The following XKR4 variants were observed in gnomAD, a reference collection of about 807,000 sequenced individuals.
The protein encoded by XKR4 is XK related 4, also known as XK-related protein 4.
Under a neutral mutation model 53.9 loss-of-function variants are expected in XKR4, and 12 were observed. That is an observed-to-expected ratio of 0.22 (90% CI 0.14 to 0.36). XKR4 has a LOEUF of 0.36. Among genes scored for constraint, XKR4 ranks in the 10% least tolerant of loss-of-function variants. The pLI, the probability that XKR4 is intolerant of heterozygous loss-of-function variation, is 1.00. For missense variants in XKR4, 799 were observed against 859.5 expected (o/e 0.93, Z 0.88); for synonymous variants, 354 against 362.4 (o/e 0.98, Z 0.26).
chr8:55,506,483 A>G lies in XKR4; in HGVS notation c.1007-16798A>G, dbSNP rs180938896. Reference sequence around the variant, plus strand: ...CTTCATGTATGCCTTCCTTTCTCTTAGTGTCTTATTAAGAGCCTGGCTGAA... The same window carrying G: ...CTTCATGTATGCCTTCCTTTCTCTTGGTGTCTTATTAAGAGCCTGGCTGAA... On this transcript the variant is annotated intron_variant, in intron 2 of 2. Coordinates refer to ENST00000327381, the MANE Select transcript of XKR4 (RefSeq NM_052898.2). Among the ~76,000 whole-genome samples, 14 of 152,352 alleles carry G rather than the reference A, an allele frequency of 9.2e-5. No homozygotes were observed. The East Asian group carries it at 2.3e-3, about 25-fold the overall frequency.
chr8:55,339,975 G>A (rs1315111674), intron 1 of XKR4, among the ~76,000 whole-genome samples: 2 of 152,180 alleles, frequency 1.3e-5, no homozygotes, highest in Non-Finnish European at 2.9e-5. Context: ...CACTGGTGTT[G>A]CTAAATTGAA....
At chr8:55,371,799 TCTA>T (rs1386606862) in intron 2 of XKR4, among the ~76,000 whole-genome samples, 4 of 152,368 alleles carry the variant, frequency 2.6e-5, no homozygotes, top group Middle Eastern at 3.4e-3. Context: ...AGAAGTTTCT[TCTA>T]CTTATCATTG....
At chr8:55,380,966 C>G (rs1804223365) in intron 2 of XKR4, among the ~76,000 whole-genome samples, 1 of 152,202 alleles carries the variant, frequency 6.6e-6, no homozygotes, top group South Asian at 2.1e-4. Context: ...TATTAATACT[C>G]TATCTTCTTT....
chr8:55,150,921 C>T (rs1816832343), intron 1 of XKR4, among the ~76,000 whole-genome samples: 1 of 152,198 alleles, frequency 6.6e-6, no homozygotes, highest in African/African-American at 2.4e-5. Flanking sequence ...GTCAGCAAGA[C>T]AGCTAACATT....
intron 2 of XKR4, among the ~76,000 whole-genome samples, chr8:55,380,862 T>C (rs1042429996): frequency 2.6e-5 from 4 of 152,258 alleles, no homozygotes; most frequent in Admixed American, 1.3e-4. Flanking sequence ...GAAAAGGTGA[T>C]GTATGCATTT....
chr8:55,392,306 G>A (rs184510673), intron 2 of XKR4, among the ~76,000 whole-genome samples: 45 of 152,270 alleles, frequency 3.0e-4, no homozygotes, highest in Admixed American at 2.8e-3. Flanking sequence ...CACAGGCTGA[G>A]ACTGGAGCAT....
intron 2 of XKR4, among the ~76,000 whole-genome samples, chr8:55,467,909 T>C (rs1585591064): frequency 6.6e-6 from 1 of 152,182 alleles, no homozygotes; most frequent in South Asian, 2.1e-4. Flanking sequence ...ATGGTTTCTA[T>C]AGTATTTTCT....
rs73682930 is a variant in XKR4, at chr8:55,258,873, G to A, written c.807-98805G>A. Among the ~76,000 whole-genome samples, 556 of 152,286 alleles carry A rather than the reference G, an allele frequency of 3.7e-3. 5 individuals are homozygous for A. The highest frequency in any genetic ancestry group is 0.012 in the African/African-American group (503 of 41,554). ...AGAAAGAGAATGTGCAGCCACCGGGGAGTTGGAAAAGCTGGGCAAAACCAA... is the reference window on the plus strand; with the variant it reads ...AGAAAGAGAATGTGCAGCCACCGGGAAGTTGGAAAAGCTGGGCAAAACCAA... On this transcript the variant is annotated intron_variant, in intron 1 of 2. Transcript: ENST00000327381.
chr8:55,113,789 CA>C (rs1816266680), intron 1 of XKR4, among the ~76,000 whole-genome samples: 1 of 152,050 alleles, frequency 6.6e-6, no homozygotes, highest in South Asian at 2.1e-4. Flanking sequence ...CATGTGTACC[CA>C]TTGTTTAGCT....
At chr8:55,523,100 C>T (rs1007523507) in intron 2 of XKR4, among the ~76,000 whole-genome samples, 181 bp from the exon 3 acceptor site, 3 of 150,980 alleles carry the variant, frequency 2.0e-5, no homozygotes, top group Non-Finnish European at 4.4e-5. Flanking sequence ...AGAGATGGTG[C>T]CACTGCACTC....
chr8:55,189,606 T>C (rs780615428), intron 1 of XKR4, among the ~76,000 whole-genome samples: 6 of 152,214 alleles, frequency 3.9e-5, no homozygotes, highest in Non-Finnish European at 8.8e-5. Flanking sequence ...TAATATGTTG[T>C]GCTATAACAT....
intron 2 of XKR4, chr8:55,454,527 G>A (rs1805525087): frequency 7.3e-7 from 1 of 1,370,608 alleles, no homozygotes; most frequent in Non-Finnish European, 1.0e-6. Context: ...TGGCGGAAGA[G>A]CAGGCCACGC....
At chr8:55,216,508 A>G (rs1243175693) in intron 1 of XKR4, among the ~76,000 whole-genome samples, 1 of 152,174 alleles carries the variant, frequency 6.6e-6, no homozygotes, top group Non-Finnish European at 1.5e-5. Context: ...CGGGCTGATC[A>G]CCTGAGGTCA....
intron 1 of XKR4, among the ~76,000 whole-genome samples, chr8:55,176,348 C>T (rs989646502): frequency 6.6e-6 from 1 of 152,212 alleles, no homozygotes; most frequent in Non-Finnish European, 1.5e-5. Flanking sequence ...GCCTTGCACC[C>T]TGTGCACGGT....
At chr8:55,422,496 T>A (rs890055065) in intron 2 of XKR4, among the ~76,000 whole-genome samples, 1 of 152,312 alleles carries the variant, frequency 6.6e-6, no homozygotes, top group Non-Finnish European at 1.5e-5. Context: ...CAACATGTAC[T>A]GGCTGCGGAA....
At chr8:55,523,141 CAAAAAAA>C in intron 2 of XKR4, 133 bp from the exon 3 acceptor site, 2 of 587,256 alleles carry the variant, frequency 3.4e-6, no homozygotes, top group Non-Finnish European at 5.5e-6. Flanking sequence ...GACTCTGTCT[CAAAAAAA>C]AAAAAAAAAA....
At chr8:55,511,973 G>T (rs1239780717) in intron 2 of XKR4, among the ~76,000 whole-genome samples, 2 of 152,096 alleles carry the variant, frequency 1.3e-5, no homozygotes, top group African/African-American at 4.8e-5. Context: ...GGGCAAAACT[G>T]CAAGCAAAGC....
intron 2 of XKR4, among the ~76,000 whole-genome samples, chr8:55,467,682 ATGT>A (rs1805803810): frequency 6.6e-6 from 1 of 152,166 alleles, no homozygotes; most frequent in Non-Finnish European, 1.5e-5. Context: ...AGACAGGCAA[ATGT>A]TGTTGGCTTG....
intron 1 of XKR4, among the ~76,000 whole-genome samples, chr8:55,289,623 A>AAG (rs1420141172): frequency 7.2e-6 from 1 of 139,048 alleles, no homozygotes; most frequent in Non-Finnish European, 1.6e-5. Context: ...GAAAGAAAGA[A>AAG]AGAAAGAAAG....
Sources: allele counts gnomAD v4.1 joint callset (sites outside exome capture counted in the v4.1 genomes callset), GRCh38; gene constraint gnomAD v4.1.1; transcripts MANE v1.5; gene names NCBI Gene and HGNC (gene_info 2026-07-23, HGNC 2026-07-21).